CCNA2: variants seen among roughly 807,000 people sequenced by gnomAD.
The protein encoded by CCNA2 is cyclin A2, also known as cyclin-A2.
CCNA2 carries 3 observed loss-of-function variants against 49.4 expected under a neutral mutation model. The observed-to-expected ratio is 0.06, with a 90% confidence interval of 0.03 to 0.16. CCNA2 has a LOEUF of 0.16. Among genes scored for constraint, CCNA2 ranks in the 10% least tolerant of loss-of-function variants. The probability of loss-of-function intolerance (pLI) is 1.00; values close to 1 mark genes in which losing one functional copy is unlikely to be tolerated. For missense variants in CCNA2, 372 were observed against 519.7 expected (o/e 0.72, Z 2.76); for synonymous variants, 206 against 197.2 (o/e 1.04, Z -0.37).
Position 121,816,823 on chromosome 4 carries a change from G to A in CCNA2, c.*815C>T. ...AAAAAGCACCAAGTAAAAAGCCAGT[G>A]AAAAGAAGAAAAAAGAAGAGAGCTG... On this transcript the variant is annotated 3_prime_UTR_variant, in exon 8 of 8. Transcript: ENST00000274026. The A allele has an allele frequency of 6.3e-7, 1 of 1,598,192 alleles. No homozygotes were observed. Among genetic ancestry groups the A allele is most frequent in the Non-Finnish European group, 8.5e-7 (1 of 1,170,926 alleles).
At chr4:121,823,386 C>T (rs1724746304) in intron 1 of CCNA2, 30 bp downstream of exon 1, 1 of 1,586,826 alleles carries the variant, frequency 6.3e-7, no homozygotes, top group Non-Finnish European at 8.6e-7. Flanking sequence ...GCTCGACCCA[C>T]CCTCCTGCAG....
In CCNA2 at chr4:121,816,871, T is replaced by C. The variant is rs1560630172; in HGVS notation, c.*767A>G. Reference sequence around the variant, plus strand: ...CTGCCAATTAAAGCTAACAGTTGTATATCTGTATATATAACTATTAAAAGG... The same window carrying C: ...CTGCCAATTAAAGCTAACAGTTGTACATCTGTATATATAACTATTAAAAGG... On this transcript the variant is annotated 3_prime_UTR_variant, in exon 8 of 8. Transcript: ENST00000274026. The C allele has an allele frequency of 6.5e-7, 1 of 1,544,036 alleles. No individual in the cohort carries two copies. Among genetic ancestry groups the C allele is most frequent in the Non-Finnish European group, 8.8e-7 (1 of 1,140,088 alleles).
rs887945438 is a variant in CCNA2, at chr4:121,823,789, G to A, written c.-161C>T. ...CCGCCCGCTCGCTCACCCAGCTCGAGACCACGCAGGGCCGAGGAGGTTGCG... is the reference window on the plus strand; with the variant it reads ...CCGCCCGCTCGCTCACCCAGCTCGAAACCACGCAGGGCCGAGGAGGTTGCG... On this transcript the variant is annotated 5_prime_UTR_variant, in exon 1 of 8. Transcript: ENST00000274026. 3.0e-6 allele frequency: 4 copies of A among 1,332,686 alleles called. No homozygotes were observed. The highest frequency in any genetic ancestry group is 1.5e-5 in the South Asian group (1 of 64,880). The allele number at this position is 1,332,686 out of a possible 1,614,324, so 82.6% of individuals were successfully genotyped here.
chr4:121,823,111 G>T (rs1724733785), intron 1 of CCNA2, among the ~76,000 whole-genome samples: 1 of 152,166 alleles, frequency 6.6e-6, no homozygotes, highest in Non-Finnish European at 1.5e-5. Flanking sequence ...TTTAAAAGTG[G>T]AGAGAAAGGC....
At chr4:121,818,375 TA>T (rs983917600) in intron 6 of CCNA2, among the ~76,000 whole-genome samples, 198 bp from the exon 7 acceptor site, 2 of 152,164 alleles carry the variant, frequency 1.3e-5, no homozygotes, top group Non-Finnish European at 2.9e-5. Context: ...CAGATGCTTT[TA>T]AAAAAGCTCA....
Position 121,821,101 on chromosome 4 carries a change from T to TTCAAAAGA in CCNA2, c.458-18_458-11dup, listed in dbSNP as rs750203991. 2 of 1,599,832 alleles carry TTCAAAAGA rather than the reference T, an allele frequency of 1.3e-6. No homozygotes were observed. The highest frequency in any genetic ancestry group is 2.3e-5 in the South Asian group (2 of 87,298). On this transcript the variant is annotated splice_polypyrimidine_tract_variant and intron_variant, in intron 2 of 7. Transcript: ENST00000274026. ...ATAGTATGTGGTGACTCTGGGACAA[T>TTCAAAAGA]TCAAAAGATATGATTAAATTAATTG... is the stretch of plus-strand genomic sequence containing the variant.
rs1269845102 is a variant in CCNA2 at position 121,821,105 on chromosome 4, A to G, written c.458-14T>C. On this transcript the variant is annotated splice_polypyrimidine_tract_variant and intron_variant, in intron 2 of 7. Transcript: ENST00000274026. ...TATGTGGTGACTCTGGGACAATTCA[A>G]AAGATATGATTAAATTAATTGTTTG... 1 of 1,602,488 alleles carries G rather than the reference A, an allele frequency of 6.2e-7. No individual in the cohort carries two copies. The highest frequency in any genetic ancestry group is 2.2e-5 in the East Asian group (1 of 44,666).
At position 121,816,664 on chromosome 4, in the gene CCNA2, A is replaced by G; in HGVS notation, c.*974T>C. ...AACTTCTTGGATGCCAGTCTTACTC[A>G]TAGCTGACACATTTTAGATCCTACT... On this transcript the variant is annotated 3_prime_UTR_variant, in exon 8 of 8. Transcript: ENST00000274026. 8.7e-7 allele frequency: 1 copy of G among 1,153,920 alleles called. No individual in the cohort carries two copies. Among genetic ancestry groups the G allele is most frequent in the South Asian group, 1.8e-5 (1 of 55,892 alleles). 71.5% of individuals were successfully genotyped at this position (1,153,920 alleles called of 1,614,324 possible).
chr4:121,816,647 G>A lies in CCNA2; in HGVS notation c.*991C>T. On this transcript the variant is annotated 3_prime_UTR_variant, in exon 8 of 8. Transcript: ENST00000274026. The stretch of plus-strand genomic sequence containing the variant: ...CCTAAATCTATAATATAAACTTCTT[G>A]GATGCCAGTCTTACTCATAGCTGAC... The A allele has an allele frequency of 2.0e-6, 2 of 985,708 alleles. No homozygotes were observed. The highest frequency in any genetic ancestry group is 4.1e-5 in the South Asian group (2 of 48,702). 61.1% of individuals were successfully genotyped at this position (985,708 alleles called of 1,614,324 possible).
At position 121,816,677 on chromosome 4, in the gene CCNA2, T is replaced by C; in HGVS notation, c.*961A>G. The C allele has an allele frequency of 7.8e-7, 1 of 1,289,676 alleles. No homozygotes were observed. Among genetic ancestry groups the C allele is most frequent in the Non-Finnish European group, 1.0e-6 (1 of 958,348 alleles). 79.9% of individuals were successfully genotyped at this position (1,289,676 alleles called of 1,614,324 possible). The stretch of plus-strand genomic sequence containing the variant: ...CCAGTCTTACTCATAGCTGACACAT[T>C]TTAGATCCTACTGGAAAACTAAGAA... On this transcript the variant is annotated 3_prime_UTR_variant, in exon 8 of 8. Coordinates refer to ENST00000274026, the MANE Select transcript of CCNA2 (RefSeq NM_001237.5).
Position 121,817,319 on chromosome 4 carries a change from A to G in CCNA2, c.*319T>C, listed in dbSNP as rs200022667. The G allele has an allele frequency of 7.4e-5, 20 of 268,592 alleles. No homozygotes were observed. The East Asian group carries it at 1.4e-3, about 19-fold the overall frequency. 16.6% of individuals were successfully genotyped at this position (268,592 alleles called of 1,614,324 possible). On this transcript the variant is annotated 3_prime_UTR_variant, in exon 8 of 8. Transcript: ENST00000274026. ...TCACTTCCCATTATATAGTAAACCA[A>G]GTAAACTTCTTTACTAAGCAAAATC...
intron 1 of CCNA2, 54 bp downstream of exon 1, chr4:121,823,362 C>T (rs779548801): frequency 2.3e-5 from 35 of 1,540,580 alleles, no homozygotes; most frequent in Middle Eastern, 3.4e-4. Flanking sequence ...CCTGCTAAGC[C>T]AATGCCAAAC....
intron 2 of CCNA2, 149 bp downstream of exon 2, chr4:121,822,254 A>G (rs1166388379): frequency 2.6e-6 from 2 of 763,444 alleles, no homozygotes; most frequent in Non-Finnish European, 4.1e-6. Context: ...GAGATCTGAG[A>G]TAAGTCACAT....
chr4:121,822,733 TACTC>T, intron 1 of CCNA2, 87 bp from the exon 2 acceptor site: 2 of 1,331,072 alleles, frequency 1.5e-6, no homozygotes, highest in Non-Finnish European at 2.1e-6. Context: ...TTCTCCCAAA[TACTC>T]TATCAGGAAT....
intron 4 of CCNA2, among the ~76,000 whole-genome samples, chr4:121,819,939 CT>C (rs796750946): frequency 0.052 from 7,067 of 135,040 alleles, 173 homozygotes; most frequent in Middle Eastern, 0.12. Flanking sequence ...GTTTTTCTTT[CT>C]TTTTTTTTTT....
At chr4:121,821,869 G>A (rs1724700882) in intron 2 of CCNA2, among the ~76,000 whole-genome samples, 1 of 152,136 alleles carries the variant, frequency 6.6e-6, no homozygotes, top group Non-Finnish European at 1.5e-5. Flanking sequence ...GCAAAGAGCT[G>A]TTTACAGAAG....
Position 121,823,747 on chromosome 4 carries a change from C to A in CCNA2, c.-119G>T. 6.9e-7 allele frequency: 1 copy of A among 1,443,436 alleles called. No individual in the cohort carries two copies. The highest frequency in any genetic ancestry group is 9.1e-7 in the Non-Finnish European group (1 of 1,101,830). 89.4% of individuals were successfully genotyped at this position (1,443,436 alleles called of 1,614,324 possible). On this transcript the variant is annotated 5_prime_UTR_variant, in exon 1 of 8. Transcript: ENST00000274026. ...ATAGTCGTAGCCGCCGGTCGCAGCC[C>A]AGGCCAGCCTACCAGCCCGCCCGCT...
At chr4:121,822,350 C>A in intron 2 of CCNA2, 53 bp downstream of exon 2, 2 of 1,535,206 alleles carry the variant, frequency 1.3e-6, no homozygotes, top group Non-Finnish European at 1.8e-6. Flanking sequence ...TCATTAATAT[C>A]ATCTAATAAT....
intron 2 of CCNA2, 141 bp from the exon 3 acceptor site, chr4:121,821,232 T>C (rs1220327064): frequency 9.3e-7 from 1 of 1,079,518 alleles, no homozygotes; most frequent in South Asian, 2.3e-5. Context: ...TGACAAAATA[T>C]GTAGAATATT....
Sources: gnomAD v4.1 joint callset for allele counts (sites outside exome capture counted in the v4.1 genomes callset) on GRCh38, gnomAD v4.1.1 for gene constraint, MANE v1.5 for transcripts, NCBI Gene and HGNC (gene_info 2026-07-23, HGNC 2026-07-21) for gene names.